The following GOLIM4 variants were observed in gnomAD, a reference collection of about 807,000 sequenced individuals.
The protein encoded by GOLIM4 is 130 kDa golgi-localized phosphoprotein.
A neutral mutation model predicts 107.4 loss-of-function variants in GOLIM4; 71 were observed. The ratio of observed to expected loss-of-function variants is 0.66; its 90% CI spans 0.55 to 0.81. The LOEUF is 0.81. Among genes scored for constraint, GOLIM4 ranks in the 30% least tolerant of loss-of-function variants. The pLI, the probability that GOLIM4 is intolerant of heterozygous loss-of-function variation, is 0.00. For synonymous variants in GOLIM4, 327 were observed against 294.8 expected, an observed-to-expected ratio of 1.11 and a Z score of -1.12; for missense variants, 830 against 826.1, an observed-to-expected ratio of 1.00 and a Z score of -0.06.
intron 1 of GOLIM4, among the ~76,000 whole-genome samples, chr3:168,090,003 A>G (rs1721826819): frequency 6.6e-6 from 1 of 152,132 alleles, no homozygotes; most frequent in South Asian, 2.1e-4. Flanking sequence ...CCTGATCTCA[A>G]GTGATCCACC....
chr3:168,043,505 GT>G lies in GOLIM4; in HGVS notation c.390del (p.Lys130AsnfsTer42), dbSNP rs1190478550. 1 of 1,612,012 alleles carries G rather than the reference GT, an allele frequency of 6.2e-7. No individual in the cohort carries two copies. Among genetic ancestry groups the G allele is most frequent in the East Asian group, 2.2e-5 (1 of 44,726 alleles). Reference protein sequence around the residue: ...MLKSQHEELKKQHSDLEEEHR... With the variant: ...MLKSQHEELKXQHSDLEEEHR... ...TGTTCCTCTTCCAAGTCACTGTGCT[GT>G]TTCTTTAGCTCCTCGTGTTGGCTCT... On this transcript the variant is annotated frameshift_variant, in exon 5 of 16. Transcript: ENST00000470487. LOFTEE classifies it high-confidence loss of function.
Position 168,032,750 on chromosome 3 carries a change from C to T in GOLIM4, c.946G>A (p.Ala316Thr). Reference protein sequence around the residue: ...APTHKEAEFQAPPEPIQQEVE... With the variant: ...APTHKEAEFQTPPEPIQQEVE... ...TCTTGTTGGATTGGCTCTGGGGGAGCCTGAAATTCTGCCTCCTTATGGGTG... is the reference window on the plus strand; with the variant it reads ...TCTTGTTGGATTGGCTCTGGGGGAGTCTGAAATTCTGCCTCCTTATGGGTG... Residue 316 changes from alanine (A) to threonine (T), a missense_variant, in exon 9 of 16, where the codon GCT becomes ACT. Transcript: ENST00000470487. 1.9e-6 allele frequency: 3 copies of T among 1,613,980 alleles called. No individual in the cohort carries two copies. The highest frequency in any genetic ancestry group is 2.5e-6 in the Non-Finnish European group (3 of 1,179,908).
At chr3:168,042,948 C>G (rs1049579526) in intron 5 of GOLIM4, among the ~76,000 whole-genome samples, 13 of 152,180 alleles carry the variant, frequency 8.5e-5, no homozygotes, top group African/African-American at 3.1e-4. Flanking sequence ...GAGCTTTTTT[C>G]AGTTACTACT....
chr3:168,011,000 G>A (rs1716979415), intron 14 of GOLIM4, among the ~76,000 whole-genome samples, 177 bp from the exon 15 acceptor site: 1 of 152,184 alleles, frequency 6.6e-6, no homozygotes, highest in African/African-American at 2.4e-5. Flanking sequence ...AATATGTCAA[G>A]GATTTATCTA....
chr3:168,011,261 C>G (rs1175423180), intron 14 of GOLIM4, among the ~76,000 whole-genome samples: 1 of 151,782 alleles, frequency 6.6e-6, no homozygotes, highest in Non-Finnish European at 1.5e-5. Context: ...GTTCCCTTTC[C>G]GAGTCAAAGA....
intron 1 of GOLIM4, among the ~76,000 whole-genome samples, chr3:168,090,883 C>T (rs1421397308): frequency 1.3e-5 from 2 of 152,112 alleles, no homozygotes; most frequent in Non-Finnish European, 2.9e-5. Flanking sequence ...ATGGATGGAC[C>T]TGGAGGCCAT....
chr3:168,045,953 C>T (rs896517628), intron 3 of GOLIM4, among the ~76,000 whole-genome samples: 1 of 152,142 alleles, frequency 6.6e-6, no homozygotes, highest in Non-Finnish European at 1.5e-5. Flanking sequence ...GGGATCATAG[C>T]TCATTGAAGC....
intron 12 of GOLIM4, among the ~76,000 whole-genome samples, chr3:168,025,800 A>G (rs1717962474): frequency 6.6e-6 from 1 of 152,208 alleles, no homozygotes. Context: ...TCATCTCCCA[A>G]ATTACTGTGC....
At chr3:168,036,236 C>T (rs1310505434) in intron 8 of GOLIM4, among the ~76,000 whole-genome samples, 1 of 152,160 alleles carries the variant, frequency 6.6e-6, no homozygotes, top group African/African-American at 2.4e-5. Context: ...GCCATTAAAG[C>T]CTTTCTCAGA....
chr3:168,091,753 A>C (rs897981246), intron 1 of GOLIM4, among the ~76,000 whole-genome samples: 2 of 152,190 alleles, frequency 1.3e-5, no homozygotes, highest in African/African-American at 2.4e-5. Context: ...ATTAATCCTC[A>C]CAATACCTCT....
At chr3:168,023,396 G>C (rs951722283) in intron 14 of GOLIM4, among the ~76,000 whole-genome samples, 1 of 152,224 alleles carries the variant, frequency 6.6e-6, no homozygotes, top group Non-Finnish European at 1.5e-5. Context: ...TATTAGAAAT[G>C]TTGCCAGTGA....
intron 8 of GOLIM4, among the ~76,000 whole-genome samples, chr3:168,033,701 C>CAATAAAAT (rs1718480676): frequency 8.0e-6 from 1 of 125,702 alleles, no homozygotes; most frequent in South Asian, 2.8e-4. Context: ...AAACAAGATA[C>CAATAAAAT]AATAAAATAT....
At position 168,024,936 on chromosome 3, in the gene GOLIM4, G is replaced by T; in HGVS notation, c.1783C>A (p.His595Asn). 1.9e-6 allele frequency: 3 copies of T among 1,613,586 alleles called. No homozygotes were observed. The highest frequency in any genetic ancestry group is 2.5e-6 in the Non-Finnish European group (3 of 1,179,678). Residue 595 changes from histidine to asparagine, a missense_variant, in exon 13 of 16, where the codon CAT (histidine) becomes AAT (asparagine). By Grantham distance (68) the His-to-Asn change is moderately conservative. Coordinates refer to ENST00000470487, the MANE Select transcript of GOLIM4 (RefSeq NM_014498.5). ...QKQENTEVEE[H>N]LVMAGNPDQQ... The stretch of plus-strand genomic sequence containing the variant: ...TCGTGGCATCTGCTTACCACCAAAT[G>T]TTCCTCCACTTCTGTATTCTCTTGC...
At chr3:168,035,021 G>A (rs11925108) in intron 8 of GOLIM4, among the ~76,000 whole-genome samples, 1,710 of 146,044 alleles carry the variant, frequency 0.012, 32 homozygotes, top group African/African-American at 0.042. Flanking sequence ...AAACATATAT[G>A]TGGCCAACAA....
intron 9 of GOLIM4, among the ~76,000 whole-genome samples, chr3:168,031,979 T>C (rs910886311): frequency 9.9e-5 from 15 of 152,172 alleles, no homozygotes; most frequent in African/African-American, 3.1e-4. Flanking sequence ...AAGTGGCGTG[T>C]CCAGTAAGGG....
At chr3:168,030,339 T>C (rs1315246414) in intron 9 of GOLIM4, among the ~76,000 whole-genome samples, 1 of 152,176 alleles carries the variant, frequency 6.6e-6, no homozygotes, top group Non-Finnish European at 1.5e-5. Context: ...GTAAAATTTA[T>C]GTTCACAAGG....
At chr3:168,088,683 G>A (rs1721747185) in intron 1 of GOLIM4, among the ~76,000 whole-genome samples, 2 of 152,096 alleles carry the variant, frequency 1.3e-5, no homozygotes, top group South Asian at 4.1e-4. Flanking sequence ...AAGTCACCAG[G>A]TGATATGTGT....
At chr3:168,019,711 G>A (rs1380358718) in intron 14 of GOLIM4, among the ~76,000 whole-genome samples, 1 of 152,110 alleles carries the variant, frequency 6.6e-6, no homozygotes, top group Non-Finnish European at 1.5e-5. Context: ...AATGAACTCA[G>A]GTTCGATTTT....
At chr3:168,042,922 T>C (rs1281541334) in intron 5 of GOLIM4, among the ~76,000 whole-genome samples, 1 of 152,204 alleles carries the variant, frequency 6.6e-6, no homozygotes, top group African/African-American at 2.4e-5. Context: ...ACCTGGGCAG[T>C]CTGACTATAG....
Sources: gnomAD v4.1 joint callset for allele counts (sites outside exome capture counted in the v4.1 genomes callset) on GRCh38, gnomAD v4.1.1 for gene constraint, MANE v1.5 for transcripts, NCBI Gene and HGNC (gene_info 2026-07-23, HGNC 2026-07-21) for gene names.